ATG16L1: variants seen among roughly 807,000 people sequenced by gnomAD.
ATG16L1 encodes autophagy related 16 like 1.
Under a neutral mutation model 88.5 loss-of-function variants are expected in ATG16L1, and 37 were observed. That is an observed-to-expected ratio of 0.42 (90% confidence interval 0.32 to 0.55). ATG16L1 has a LOEUF of 0.55. Among genes scored for constraint, ATG16L1 ranks in the 20% least tolerant of loss-of-function variants. ATG16L1 has a pLI of 0.13. For synonymous variants in ATG16L1, 301 were observed against 281.0 expected, an observed-to-expected ratio of 1.07 and a Z score of -0.71; for missense variants, 554 against 752.8, an observed-to-expected ratio of 0.74 and a Z score of 3.09.
intron 12 of ATG16L1, among the ~76,000 whole-genome samples, chr2:233,289,167 T>G (rs1699281827): frequency 6.6e-6 from 1 of 152,200 alleles, no homozygotes; most frequent in Non-Finnish European, 1.5e-5. Context: ...TAGAGCTGAT[T>G]TCAAATTCAA....
At chr2:233,253,340 G>GTTTTTTTTTTTTTTT (rs56151049) in intron 1 of ATG16L1, among the ~76,000 whole-genome samples, 5 of 108,660 alleles carry the variant, frequency 4.6e-5, no homozygotes, top group African/African-American at 1.4e-4. Context: ...GGGTTTTTTT[G>GTTTTTTTTTTTTTTT]TTTTTTTTTT....
intron 10 of ATG16L1, 64 bp downstream of exon 10, chr2:233,277,737 A>G: frequency 7.0e-7 from 1 of 1,437,014 alleles, no homozygotes; most frequent in Non-Finnish European, 9.8e-7. Flanking sequence ...CACTGCAGAA[A>G]GAAGCTGTGT....
chr2:233,257,895 C>G (rs1266290778), intron 2 of ATG16L1, among the ~76,000 whole-genome samples: 2 of 151,904 alleles, frequency 1.3e-5, no homozygotes, highest in Admixed American at 1.3e-4. Context: ...ATCCCAGCTA[C>G]CCGGGAGGTT....
chr2:233,290,425 C>A, intron 14 of ATG16L1, 72 bp downstream of exon 14: 1 of 1,213,252 alleles, frequency 8.2e-7, no homozygotes, highest in Non-Finnish European at 1.2e-6. Context: ...ATGGGTTGTG[C>A]TTTTAAGATC....
At chr2:233,272,853 T>C in intron 6 of ATG16L1, 113 bp from the exon 7 acceptor site, 1 of 861,832 alleles carries the variant, frequency 1.2e-6, no homozygotes, top group South Asian at 1.4e-5. Flanking sequence ...AACGCATTGC[T>C]GTCATAGCCA....
intron 7 of ATG16L1, 54 bp downstream of exon 7, chr2:233,273,106 G>GCA (rs1574869511): frequency 2.8e-6 from 4 of 1,420,424 alleles, no homozygotes; most frequent in Non-Finnish European, 4.0e-6. Flanking sequence ...CAATATGAAG[G>GCA]CACATCTGTG....
intron 2 of ATG16L1, among the ~76,000 whole-genome samples, chr2:233,261,583 C>T (rs1697215671): frequency 6.6e-6 from 1 of 152,182 alleles, no homozygotes; most frequent in South Asian, 2.1e-4. Context: ...GGAAGGACTG[C>T]TATACTACCA....
intron 7 of ATG16L1, chr2:233,273,374 C>T: frequency 2.1e-6 from 1 of 482,686 alleles, no homozygotes; most frequent in Non-Finnish European, 3.7e-6. Flanking sequence ...ACTAGGGCTT[C>T]CCCCCGCCCG....
chr2:233,257,398 A>T (rs1266763965), intron 2 of ATG16L1, among the ~76,000 whole-genome samples: 1 of 152,174 alleles, frequency 6.6e-6, no homozygotes, highest in Non-Finnish European at 1.5e-5. Flanking sequence ...TGCTTTGAGT[A>T]TCCATCCAAC....
intron 1 of ATG16L1, among the ~76,000 whole-genome samples, chr2:233,253,081 GTGTGTT>G (rs1204745242): frequency 3.3e-5 from 5 of 152,168 alleles, no homozygotes; most frequent in East Asian, 1.9e-4. Flanking sequence ...ATCAGTGTGT[GTGTGTT>G]TGTGTTTGTG....
chr2:233,276,522 G>A (rs1331275576), intron 9 of ATG16L1, among the ~76,000 whole-genome samples: 3 of 152,072 alleles, frequency 2.0e-5, no homozygotes, highest in Admixed American at 1.3e-4. Flanking sequence ...TTATCCAGGC[G>A]GGAGTACAGT....
At chr2:233,283,729 G>A (rs948365881) in intron 12 of ATG16L1, among the ~76,000 whole-genome samples, 1 of 151,776 alleles carries the variant, frequency 6.6e-6, no homozygotes, top group African/African-American at 2.4e-5. Flanking sequence ...TAGAGATGGG[G>A]TTTCACCATG....
chr2:233,276,827 CT>C (rs142903110), intron 9 of ATG16L1, among the ~76,000 whole-genome samples: 9,473 of 152,238 alleles, frequency 0.062, 363 homozygotes, highest in South Asian at 0.14. Flanking sequence ...TAAGTACCAT[CT>C]TTTGCCAGTG....
At position 233,265,052 on chromosome 2, in the gene ATG16L1, A is replaced by G. The variant is rs750820589; in HGVS notation, c.550A>G (p.Thr184Ala). 2.8e-5 allele frequency: 45 copies of G among 1,614,106 alleles called. 1 individual carries two copies. The South Asian group carries it at 3.6e-4, about 13-fold the overall frequency. The change falls in exon 5 of 18, where the codon ACG (threonine) becomes GCG (alanine). Residue 184 changes from threonine to alanine, a missense_variant. Physicochemically the swap from Thr to Ala is moderately conservative, Grantham distance 58. This residue lies in a region of ATG16L1 where 22 missense variants were observed against 54.5 expected (regional missense o/e 0.40). Coordinates refer to ENST00000392017, the MANE Select transcript of ATG16L1 (RefSeq NM_030803.7). Reference protein sequence around the residue: ...TALEGKLRKTTEENQELVTRW... With the variant: ...TALEGKLRKTAEENQELVTRW... ...CTTGGAGGGAAAACTGAGGAAAACTACGGAAGAGAACCAGGAGCTGGTCAC... is the reference window on the plus strand; with the variant it reads ...CTTGGAGGGAAAACTGAGGAAAACTGCGGAAGAGAACCAGGAGCTGGTCAC...
chr2:233,281,403 T>G (rs7587633), intron 11 of ATG16L1, among the ~76,000 whole-genome samples: 1 of 152,008 alleles, frequency 6.6e-6, no homozygotes, highest in Non-Finnish European at 1.5e-5. Context: ...ACTCAGTACT[T>G]TGTATAATTT....
chr2:233,280,574 G>C (rs965843470), intron 10 of ATG16L1, among the ~76,000 whole-genome samples: 7 of 152,086 alleles, frequency 4.6e-5, no homozygotes, highest in African/African-American at 1.7e-4. Flanking sequence ...AGCTTGACTG[G>C]TATTCTATAT....
chr2:233,273,110 A>C, intron 7 of ATG16L1, 58 bp downstream of exon 7: 1 of 1,393,508 alleles, frequency 7.2e-7, no homozygotes, highest in East Asian at 2.3e-5. Flanking sequence ...ATGAAGGCAC[A>C]TCTGTGGACA....
At chr2:233,266,467 CAA>C (rs1300635142) in intron 5 of ATG16L1, among the ~76,000 whole-genome samples, 3 of 152,008 alleles carry the variant, frequency 2.0e-5, no homozygotes, top group Non-Finnish European at 4.4e-5. Flanking sequence ...CAGAAACAAA[CAA>C]AAAAGCTCTA....
intron 1 of ATG16L1, among the ~76,000 whole-genome samples, chr2:233,255,783 C>G (rs77640687): frequency 0.021 from 3,272 of 152,274 alleles, 132 homozygotes; most frequent in African/African-American, 0.075. Context: ...GTTCCCTGAC[C>G]TAAAAAGTAA....
Sources: allele counts gnomAD v4.1 joint callset (sites outside exome capture counted in the v4.1 genomes callset), GRCh38; gene constraint gnomAD v4.1.1; regional missense constraint gnomAD v4.1.1; transcripts MANE v1.5; gene names NCBI Gene and HGNC (gene_info 2026-07-23, HGNC 2026-07-21).